ARFIP1: variants seen among roughly 807,000 people sequenced by gnomAD.
ARFIP1 encodes arfaptin-1.
Under a neutral mutation model 42.5 loss-of-function variants are expected in ARFIP1, and 24 were observed. The observed-to-expected ratio is 0.57, with a 90% CI of 0.41 to 0.80. The LOEUF is 0.80. Among genes scored for constraint, ARFIP1 ranks in the 30% least tolerant of loss-of-function variants. The probability of loss-of-function intolerance (pLI) is 0.00; values close to 1 mark genes in which losing one functional copy is unlikely to be tolerated. For missense variants in ARFIP1, 354 were observed against 434.0 expected (o/e 0.82, Z 1.64); for synonymous variants, 141 against 153.7 (o/e 0.92, Z 0.61).
chr4:152,889,423 G>T (rs568390005), intron 8 of ARFIP1, among the ~76,000 whole-genome samples: 1 of 144,840 alleles, frequency 6.9e-6, no homozygotes, highest in East Asian at 2.0e-4. Context: ...AAATTGCCTG[G>T]CATCATTCAG....
intron 2 of ARFIP1, among the ~76,000 whole-genome samples, chr4:152,849,448 A>G (rs1732811425): frequency 1.3e-5 from 2 of 152,256 alleles, no homozygotes; most frequent in African/African-American, 2.4e-5. Context: ...GTAGATACAT[A>G]TAAATATTTC....
chr4:152,806,231 G>T (rs1728986388), intron 1 of ARFIP1, among the ~76,000 whole-genome samples: 1 of 152,208 alleles, frequency 6.6e-6, no homozygotes, highest in African/African-American at 2.4e-5. Context: ...GTTTGTAAAT[G>T]ACACTTAGAA....
chr4:152,884,038 A>C (rs1736071875), intron 7 of ARFIP1, among the ~76,000 whole-genome samples: 1 of 151,954 alleles, frequency 6.6e-6, no homozygotes. Flanking sequence ...ATTTCCTTAC[A>C]CTTCAATTAA....
At chr4:152,889,924 G>A (rs1173980846) in intron 8 of ARFIP1, among the ~76,000 whole-genome samples, 1 of 134,330 alleles carries the variant, frequency 7.4e-6, no homozygotes, top group African/African-American at 2.8e-5. Flanking sequence ...TATAGTGTAT[G>A]TATACTATAC....
At chr4:152,814,096 TC>T (rs1166587166) in intron 1 of ARFIP1, among the ~76,000 whole-genome samples, 41 of 13,736 alleles carry the variant, frequency 3.0e-3, no homozygotes, top group Non-Finnish European at 7.0e-3. Context: ...TTCTTCTTCT[TC>T]TTTTTTTTTT....
intron 8 of ARFIP1, among the ~76,000 whole-genome samples, chr4:152,890,138 G>A (rs1047430058): frequency 1.3e-5 from 2 of 151,782 alleles, no homozygotes; most frequent in African/African-American, 4.8e-5. Context: ...TGATAGAAAA[G>A]TAGACTAACA....
chr4:152,801,200 G>A (rs905289352), intron 1 of ARFIP1, among the ~76,000 whole-genome samples: 1 of 152,180 alleles, frequency 6.6e-6, no homozygotes, highest in African/African-American at 2.4e-5. Flanking sequence ...AGCATAAGGG[G>A]CTAGAGTGAT....
At chr4:152,878,005 C>T (rs1443613327) in intron 5 of ARFIP1, among the ~76,000 whole-genome samples, 1 of 152,182 alleles carries the variant, frequency 6.6e-6, no homozygotes, top group Non-Finnish European at 1.5e-5. Context: ...TAATACACTA[C>T]TTAAATACTC....
chr4:152,882,856 CTG>C lies in ARFIP1; in HGVS notation c.770_771del (p.Val257GlufsTer4). 2 of 1,608,886 alleles carry C rather than the reference CTG, an allele frequency of 1.2e-6. No homozygotes were observed. The highest frequency in any genetic ancestry group is 1.7e-6 in the Non-Finnish European group (2 of 1,178,100). Reference sequence around the variant, plus strand: ...AAAACCATTGAAGATACATTAATGACTGTGAAACAGTATGAAAGTGCCAGGTA... The same window carrying C: ...AAAACCATTGAAGATACATTAATGACTGAAACAGTATGAAAGTGCCAGGTA... On this transcript the variant is annotated frameshift_variant, in exon 7 of 9. Transcript: ENST00000353617. LOFTEE classifies it high-confidence loss of function.
chr4:152,804,618 C>T (rs1343732149), intron 1 of ARFIP1, among the ~76,000 whole-genome samples: 1 of 148,998 alleles, frequency 6.7e-6, no homozygotes, highest in Non-Finnish European at 1.5e-5. Flanking sequence ...ATCCCCACGT[C>T]ATCACTTGCT....
At chr4:152,875,370 T>C (rs1735236450) in intron 5 of ARFIP1, among the ~76,000 whole-genome samples, 1 of 140,792 alleles carries the variant, frequency 7.1e-6, no homozygotes, top group Non-Finnish European at 1.5e-5. Context: ...GAAGTTTGTC[T>C]TTTTTTATAA....
intron 8 of ARFIP1, among the ~76,000 whole-genome samples, chr4:152,901,889 T>A (rs1737868049): frequency 6.6e-6 from 1 of 152,250 alleles, no homozygotes; most frequent in Admixed American, 6.5e-5. Context: ...AAGGATGTTT[T>A]AATACAACTT....
chr4:152,831,579 C>G (rs1387094831), intron 2 of ARFIP1, among the ~76,000 whole-genome samples: 1 of 152,202 alleles, frequency 6.6e-6, no homozygotes, highest in East Asian at 1.9e-4. Flanking sequence ...CTTATGCCCT[C>G]TAGGCAATAC....
intron 1 of ARFIP1, among the ~76,000 whole-genome samples, chr4:152,798,994 A>G (rs1450472177): frequency 6.6e-6 from 1 of 152,218 alleles, no homozygotes; most frequent in Admixed American, 6.5e-5. Flanking sequence ...CTGGTCTGGA[A>G]CTTTGTTTTA....
chr4:152,807,466 A>G (rs1267560335), intron 1 of ARFIP1, among the ~76,000 whole-genome samples: 1 of 152,134 alleles, frequency 6.6e-6, no homozygotes, highest in African/African-American at 2.4e-5. Context: ...TATAGTGGTT[A>G]TGTAGTGGCA....
intron 8 of ARFIP1, among the ~76,000 whole-genome samples, chr4:152,907,450 A>G (rs1738456437): frequency 6.6e-6 from 1 of 152,252 alleles, no homozygotes; most frequent in South Asian, 2.1e-4. Context: ...AGAAACAAAT[A>G]TTATTAATAC....
chr4:152,854,590 T>C (rs1232647792), intron 2 of ARFIP1, among the ~76,000 whole-genome samples: 3 of 152,232 alleles, frequency 2.0e-5, no homozygotes, highest in Non-Finnish European at 4.4e-5. Flanking sequence ...GTTTCTCCAT[T>C]AGTTTGAATT....
intron 1 of ARFIP1, among the ~76,000 whole-genome samples, chr4:152,804,019 T>C (rs549032289): frequency 9.6e-5 from 13 of 135,450 alleles, no homozygotes; most frequent in African/African-American, 3.6e-4. Context: ...ATATATATAT[T>C]ATATATAATA....
At chr4:152,858,088 T>C (rs1733585202) in intron 2 of ARFIP1, among the ~76,000 whole-genome samples, 1 of 152,150 alleles carries the variant, frequency 6.6e-6, no homozygotes, top group Admixed American at 6.5e-5. Context: ...GTTCATGAGT[T>C]TGAGACCAGC....
Sources: gnomAD v4.1 joint callset for allele counts (sites outside exome capture counted in the v4.1 genomes callset) on GRCh38, gnomAD v4.1.1 for gene constraint, MANE v1.5 for transcripts, NCBI Gene and HGNC (gene_info 2026-07-23, HGNC 2026-07-21) for gene names.